The following FAM219A variants were observed in gnomAD, a reference collection of about 807,000 sequenced individuals.
FAM219A encodes the protein family with sequence similarity 219 member A, also known as protein FAM219A.
In FAM219A, 7 loss-of-function variants were observed where a neutral mutation model predicts 23.4. The observed-to-expected ratio is 0.30, with a 90% CI of 0.17 to 0.56. FAM219A has a LOEUF of 0.56. Ranked by LOEUF, FAM219A falls within the 20% of genes least tolerant of loss-of-function variation. The pLI, the probability that FAM219A is intolerant of heterozygous loss-of-function variation, is 0.92. For synonymous variants in FAM219A, 93 were observed against 99.0 expected, an observed-to-expected ratio of 0.94 and a Z score of 0.36; for missense variants, 166 against 246.9, an observed-to-expected ratio of 0.67 and a Z score of 2.20.
intron 1 of FAM219A, among the ~76,000 whole-genome samples, chr9:34,409,600 A>G (rs1821754693): frequency 6.6e-6 from 1 of 152,258 alleles, no homozygotes; most frequent in African/African-American, 2.4e-5. Context: ...GAGATGATTA[A>G]TAGCCCAGCC....
At chr9:34,444,156 C>T (rs951984671) in intron 1 of FAM219A, among the ~76,000 whole-genome samples, 12 of 152,214 alleles carry the variant, frequency 7.9e-5, no homozygotes, top group African/African-American at 2.9e-4. Context: ...CCTCAGGGAA[C>T]AGCTTTGGCA....
chr9:34,414,549 A>T (rs547270419), intron 1 of FAM219A, among the ~76,000 whole-genome samples: 1 of 152,374 alleles, frequency 6.6e-6, no homozygotes, highest in East Asian at 1.9e-4. Flanking sequence ...AAAACAAAAT[A>T]AAAAGGTCCT....
intron 1 of FAM219A, among the ~76,000 whole-genome samples, chr9:34,454,485 T>C (rs1823665105): frequency 6.6e-6 from 1 of 152,126 alleles, no homozygotes; most frequent in Non-Finnish European, 1.5e-5. Context: ...TGGGGAGCTC[T>C]CAGGGATAGA....
In FAM219A at chr9:34,457,256, C is replaced by G. The variant is rs1823772190; in HGVS notation, c.60+948G>C. On this transcript the variant is annotated intron_variant, in intron 1 of 5. Transcript: ENST00000651358. The surrounding 1 kb of genome is among the most constrained non-coding windows in gnomAD (Gnocchi z 5.1). ...ACGAGCTGGCTAGGCCTCCACGTCT[C>G]CCACCCGGTTGCCTGACAGACAAGC... 6.6e-6 allele frequency among the ~76,000 whole-genome samples: 1 copy of G among 152,218 alleles called. No individual in the cohort carries two copies. Among genetic ancestry groups the G allele is most frequent in the African/African-American group, 2.4e-5 (1 of 41,460 alleles).
chr9:34,398,317 ATAAAT>A lies in FAM219A; in HGVS notation c.*2642_*2646del. 6.4e-7 allele frequency: 1 copy of A among 1,550,914 alleles called. No homozygotes were observed. Among genetic ancestry groups the A allele is most frequent in the Non-Finnish European group, 8.7e-7 (1 of 1,147,048 alleles). On this transcript the variant is annotated 3_prime_UTR_variant, in exon 6 of 6. Coordinates refer to ENST00000651358, the MANE Select transcript of FAM219A (RefSeq NM_001184940.2). ...ATGTCTTCCACACACCTTCCTGGAAATAAATTAGTGAGCACGGAGAAACCTGGCTG... is the reference window on the plus strand; with the variant it reads ...ATGTCTTCCACACACCTTCCTGGAAATAGTGAGCACGGAGAAACCTGGCTG...
intron 1 of FAM219A, among the ~76,000 whole-genome samples, chr9:34,433,862 C>A (rs1822800461): frequency 6.6e-6 from 1 of 152,240 alleles, no homozygotes; most frequent in African/African-American, 2.4e-5. Context: ...GGAAATAAGC[C>A]TCCGACTCTC....
At chr9:34,413,896 G>A (rs1308441849) in intron 1 of FAM219A, among the ~76,000 whole-genome samples, 1 of 152,226 alleles carries the variant, frequency 6.6e-6, no homozygotes, top group African/African-American at 2.4e-5. Flanking sequence ...CAGTAAAATA[G>A]AGCATCAAAG....
intron 1 of FAM219A, among the ~76,000 whole-genome samples, chr9:34,430,277 C>G (rs922488084): frequency 1.3e-5 from 2 of 152,028 alleles, no homozygotes; most frequent in African/African-American, 2.4e-5. Flanking sequence ...CCCTGTAATC[C>G]CAGCACTCTG....
In FAM219A at chr9:34,398,302, C is replaced by A; in HGVS notation, c.*2662G>T. ...TATTATACACGGCTCATGTCTTCCA[C>A]ACACCTTCCTGGAAATAAATTAGTG... On this transcript the variant is annotated 3_prime_UTR_variant, in exon 6 of 6. Transcript: ENST00000651358. The A allele has an allele frequency of 1.3e-6, 2 of 1,550,884 alleles. No individual in the cohort carries two copies. Among genetic ancestry groups the A allele is most frequent in the South Asian group, 2.4e-5 (2 of 84,058 alleles).
chr9:34,420,813 C>CA (rs1423297398), intron 1 of FAM219A, among the ~76,000 whole-genome samples: 1 of 150,814 alleles, frequency 6.6e-6, no homozygotes, highest in Non-Finnish European at 1.5e-5. Flanking sequence ...CCCATCTCTA[C>CA]AAAAAAGAAA....
intron 1 of FAM219A, among the ~76,000 whole-genome samples, chr9:34,438,823 AAGC>A (rs1351244618): frequency 6.6e-6 from 1 of 152,162 alleles, no homozygotes. Flanking sequence ...AAGAGAATAA[AAGC>A]AGGCTGCCCA....
At chr9:34,427,329 A>AC (rs1025422616) in intron 1 of FAM219A, among the ~76,000 whole-genome samples, 56 of 151,938 alleles carry the variant, frequency 3.7e-4, no homozygotes, top group African/African-American at 1.3e-3. Flanking sequence ...ACGCCACCAC[A>AC]CCTGGCTAAT....
At chr9:34,415,502 T>A (rs1345449685) in intron 1 of FAM219A, among the ~76,000 whole-genome samples, 2 of 152,214 alleles carry the variant, frequency 1.3e-5, no homozygotes, top group African/African-American at 4.8e-5. Context: ...TATAAAGTAA[T>A]ACATGCTAAA....
Position 34,433,706 on chromosome 9 carries a change from C to G in FAM219A, c.60+24498G>C, listed in dbSNP as rs561171826. ...GATCTCTTTGCCCTAACTGTCAGCC[C>G]TCTATGCAGATGACTTCCAATTTCT... On this transcript the variant is annotated intron_variant, in intron 1 of 5. Transcript: ENST00000651358. Among the ~76,000 whole-genome samples, 6 of 152,288 alleles carry G rather than the reference C, an allele frequency of 3.9e-5. No homozygotes were observed. The East Asian group carries it at 1.2e-3, about 29-fold the overall frequency.
intron 1 of FAM219A, among the ~76,000 whole-genome samples, chr9:34,438,342 C>T (rs1016258264): frequency 6.6e-5 from 10 of 152,224 alleles, no homozygotes; most frequent in East Asian, 1.9e-4. Context: ...CGCATGGCAC[C>T]GGGACTGGCA....
rs1210388430 is a variant in FAM219A, at chr9:34,457,242, A to G, written c.60+962T>C. 2.0e-5 allele frequency among the ~76,000 whole-genome samples: 3 copies of G among 152,114 alleles called. No homozygotes were observed. Among genetic ancestry groups the G allele is most frequent in the Non-Finnish European group, 4.4e-5 (3 of 67,996 alleles). ...TCCCCCCTCACTATACGAGCTGGCTAGGCCTCCACGTCTCCCACCCGGTTG... is the reference window on the plus strand; with the variant it reads ...TCCCCCCTCACTATACGAGCTGGCTGGGCCTCCACGTCTCCCACCCGGTTG... On this transcript the variant is annotated intron_variant, in intron 1 of 5. Transcript: ENST00000651358. The surrounding 1 kb of genome is among the most constrained non-coding windows in gnomAD (Gnocchi z 5.1).
rs781641391 is a variant in FAM219A, at chr9:34,457,159, C to G, written c.60+1045G>C. On this transcript the variant is annotated intron_variant, in intron 1 of 5. Transcript: ENST00000651358. The surrounding 1 kb of genome is among the most constrained non-coding windows in gnomAD (Gnocchi z 5.1). ...ATTTGTAGCCCACCTTGCCTCCTTC[C>G]AATTCCAGCTCAGGCTCCAGGGGGA... Among the ~76,000 whole-genome samples the G allele has an allele frequency of 1.3e-5, 2 of 152,230 alleles. 1 individual carries two copies. Among genetic ancestry groups the G allele is most frequent in the Non-Finnish European group, 2.9e-5 (2 of 68,034 alleles).
At chr9:34,446,294 C>T (rs1188909529) in intron 1 of FAM219A, among the ~76,000 whole-genome samples, 2 of 152,156 alleles carry the variant, frequency 1.3e-5, no homozygotes, top group African/African-American at 4.8e-5. Flanking sequence ...GAGCTCACAT[C>T]TCACTGAAGG....
chr9:34,420,296 A>G (rs967241149), intron 1 of FAM219A, among the ~76,000 whole-genome samples: 1 of 152,200 alleles, frequency 6.6e-6, no homozygotes, highest in Non-Finnish European at 1.5e-5. Flanking sequence ...GGGTGGTAGG[A>G]GCACAGAGGA....
Sources: gnomAD v4.1 joint callset for allele counts (sites outside exome capture counted in the v4.1 genomes callset) on GRCh38, gnomAD v4.1.1 for gene constraint, Gnocchi (gnomAD v3.1) non-coding constraint, MANE v1.5 for transcripts, NCBI Gene and HGNC (gene_info 2026-07-23, HGNC 2026-07-21) for gene names.